The following KLHL13 variants were observed in gnomAD, a reference collection of about 807,000 sequenced individuals.
KLHL13 encodes kelch-like protein 13.
Under a neutral mutation model 37.1 loss-of-function variants are expected in KLHL13, and 10 were observed. The ratio of observed to expected loss-of-function variants is 0.27; its 90% CI spans 0.17 to 0.46. The LOEUF is 0.46. KLHL13 is among the 20% of genes least tolerant of loss of function. KLHL13 has a pLI of 1.00. For missense variants in KLHL13, 360 were observed against 509.3 expected (o/e 0.71, Z 2.82); for synonymous variants, 163 against 181.2 (o/e 0.90, Z 0.81).
At chrX:118,081,462 T>A (rs1025593741) in intron 1 of KLHL13, among the ~76,000 whole-genome samples, 1 of 111,237 alleles carries the variant, frequency 9.0e-6, no homozygotes, top group Non-Finnish European at 1.9e-5. Context: ...TGGTTTTTTT[T>A]AACTGATACA....
intron 1 of KLHL13, among the ~76,000 whole-genome samples, chrX:118,082,829 C>T (rs1469821129): frequency 9.0e-6 from 1 of 111,271 alleles, no homozygotes; most frequent in Non-Finnish European, 1.9e-5. Context: ...ATCCTATTTC[C>T]CCCAGCACCA....
chrX:118,002,276 G>C (rs2053930573), intron 1 of KLHL13, among the ~76,000 whole-genome samples: 1 of 111,067 alleles, frequency 9.0e-6, no homozygotes, highest in Admixed American at 9.7e-5. Flanking sequence ...AAAGTGCTAA[G>C]TGTTATGATA....
chrX:117,914,403 T>C (rs1416639805), intron 4 of KLHL13: 2 of 111,009 alleles, frequency 1.8e-5, no homozygotes, highest in African/African-American at 6.6e-5. Flanking sequence ...TGGCAAAAAT[T>C]TGGGGAACTC....
chrX:117,908,624 C>A (rs1371601546), intron 5 of KLHL13, among the ~76,000 whole-genome samples: 2 of 111,351 alleles, frequency 1.8e-5, no homozygotes, highest in Admixed American at 1.9e-4. Context: ...TTTACATAGC[C>A]AAAGTATTCT....
intron 1 of KLHL13, among the ~76,000 whole-genome samples, chrX:118,011,343 T>C: frequency 9.2e-6 from 1 of 109,231 alleles, no homozygotes; most frequent in East Asian, 2.9e-4. Context: ...ATAAGAGACC[T>C]TGCCACACTG....
Position 118,034,327 on chromosome X carries a change from C to G in KLHL13, c.-56+82181G>C, listed in dbSNP as rs1211865731. On this transcript the variant is annotated intron_variant, in intron 1 of 6. Coordinates refer to the KLHL13 transcript ENST00000371882. ...CACACCACACCTATTCCAAAATTGA[C>G]CACATAGTTGGAAGTAAAGCTCTCC... Among the ~76,000 whole-genome samples, 163 of 98,242 alleles carry G rather than the reference C, an allele frequency of 1.7e-3. 4 individuals are homozygous for G. Among genetic ancestry groups the G allele is most frequent in the African/African-American group, 6.5e-3 (156 of 24,104 alleles). 85.3% of individuals were successfully genotyped at this position (98,242 alleles called of 115,157 possible).
At chrX:118,066,339 T>C (rs1055737224) in intron 1 of KLHL13, among the ~76,000 whole-genome samples, 12 of 111,896 alleles carry the variant, frequency 1.1e-4, no homozygotes, top group African/African-American at 3.9e-4. Context: ...CTGGCCAGGG[T>C]CAAAAGAGCT....
chrX:118,040,557 T>A (rs1161859646), intron 1 of KLHL13, among the ~76,000 whole-genome samples: 1 of 111,488 alleles, frequency 9.0e-6, no homozygotes, highest in East Asian at 2.8e-4. Context: ...ACTTACAATA[T>A]CTAGAAAATA....
chrX:117,918,127 C>T (rs1399871110), intron 4 of KLHL13, among the ~76,000 whole-genome samples: 1 of 111,421 alleles, frequency 9.0e-6, no homozygotes, highest in Non-Finnish European at 1.9e-5. Flanking sequence ...TTCACTTGGG[C>T]TACTTTCGCA....
At chrX:117,909,978 C>A (rs1302359094) in exon 5 of KLHL13, 1 of 1,210,982 alleles carries the variant, frequency 8.3e-7, no homozygotes, top group East Asian at 3.0e-5. Flanking sequence ...CAAGAACTCC[C>A]CTGTGCTCAG....
intron 1 of KLHL13, among the ~76,000 whole-genome samples, chrX:118,069,041 C>A (rs1401719517): frequency 9.2e-6 from 1 of 109,073 alleles, no homozygotes; most frequent in African/African-American, 3.4e-5. Context: ...AATCTGCACT[C>A]TGCTGCTGAG....
At chrX:117,913,716 G>A (rs1354669200) in intron 4 of KLHL13, among the ~76,000 whole-genome samples, 4 of 110,346 alleles carry the variant, frequency 3.6e-5, no homozygotes, top group East Asian at 5.7e-4. Flanking sequence ...GGTGGCACAC[G>A]CCTGTATTCC....
intron 2 of KLHL13, 135 bp from the exon 4 acceptor site, chrX:117,920,505 A>G: frequency 1.7e-6 from 1 of 603,982 alleles, no homozygotes; most frequent in Non-Finnish European, 2.5e-6. Context: ...TCGGGAGAAG[A>G]AAAAATAACT....
chrX:118,013,435 C>G (rs138909756), intron 1 of KLHL13, among the ~76,000 whole-genome samples: 4,177 of 111,614 alleles, frequency 0.037, 82 homozygotes, highest in Non-Finnish European at 0.06. Flanking sequence ...CAGACAAAAA[C>G]AAAAACAACT....
chrX:118,094,958 A>G (rs1213564209), intron 1 of KLHL13, among the ~76,000 whole-genome samples: 1 of 111,120 alleles, frequency 9.0e-6, no homozygotes, highest in East Asian at 2.8e-4. Context: ...AAAGACCATC[A>G]AGGCTAGGAA....
At chrX:117,998,461 T>C (rs1386133752) in intron 1 of KLHL13, among the ~76,000 whole-genome samples, 2 of 110,007 alleles carry the variant, frequency 1.8e-5, no homozygotes, top group East Asian at 2.8e-4. Flanking sequence ...AATTGGCTAG[T>C]AATAAGTAAA....
chrX:118,066,753 C>T (rs769956850), intron 1 of KLHL13, among the ~76,000 whole-genome samples: 1 of 111,541 alleles, frequency 9.0e-6, no homozygotes, highest in East Asian at 2.8e-4. Context: ...GAAAGATTTA[C>T]ATCCAGAATC....
At chrX:118,015,628 A>C (rs755511163) in intron 1 of KLHL13, among the ~76,000 whole-genome samples, 1 of 111,341 alleles carries the variant, frequency 9.0e-6, no homozygotes, top group Non-Finnish European at 1.9e-5. Context: ...ACTTTCTATG[A>C]CCTGGAAAAT....
chrX:117,983,618 T>C, intron 1 of KLHL13: 1 of 626,324 alleles, frequency 1.6e-6, no homozygotes, highest in Non-Finnish European at 2.4e-6. Context: ...TTTCAAAGCA[T>C]ACCCTGACAG....
Sources: gnomAD v4.1 joint callset for allele counts (sites outside exome capture counted in the v4.1 genomes callset) on GRCh38, gnomAD v4.1.1 for gene constraint, MANE v1.5 for transcripts, NCBI Gene and HGNC (gene_info 2026-07-23, HGNC 2026-07-21) for gene names.